The following NFIA variants were observed in gnomAD, a reference collection of about 807,000 sequenced individuals.
The protein encoded by NFIA is nuclear factor 1 A-type.
NFIA carries 8 observed loss-of-function variants against 62.8 expected under a neutral mutation model. The observed-to-expected ratio is 0.13, with a 90% CI of 0.07 to 0.23. The LOEUF is 0.23. Among genes scored for constraint, NFIA ranks in the 10% least tolerant of loss-of-function variants. The pLI, the probability that NFIA is intolerant of heterozygous loss-of-function variation, is 1.00. For synonymous variants in NFIA, 235 were observed against 238.1 expected, an observed-to-expected ratio of 0.99 and a Z score of 0.12; for missense variants, 410 against 642.1, an observed-to-expected ratio of 0.64 and a Z score of 3.91.
chr1:61,302,321 A>C (rs753747929), intron 3 of NFIA, among the ~76,000 whole-genome samples: 6 of 152,206 alleles, frequency 3.9e-5, no homozygotes, highest in Non-Finnish European at 8.8e-5. Flanking sequence ...GTACAAAAAG[A>C]GGGTTTTGTT....
chr1:61,143,132 G>A (rs1014310789), intron 2 of NFIA, among the ~76,000 whole-genome samples: 1 of 152,058 alleles, frequency 6.6e-6, no homozygotes, highest in Non-Finnish European at 1.5e-5. Context: ...TTTTGGGGTG[G>A]CAAGAAATTT....
chr1:61,452,191 C>T (rs1482644881), intron 10 of NFIA, among the ~76,000 whole-genome samples: 1 of 152,112 alleles, frequency 6.6e-6, no homozygotes. Flanking sequence ...CTGTCACACT[C>T]ATCCCAATGG....
chr1:61,126,883 C>T (rs1210151591), intron 2 of NFIA, among the ~76,000 whole-genome samples: 1 of 139,864 alleles, frequency 7.1e-6, no homozygotes, highest in African/African-American at 2.7e-5. Flanking sequence ...CTCCCAGGTT[C>T]AAGTGATTAT....
chr1:61,219,801 T>G (rs998802116), intron 2 of NFIA, among the ~76,000 whole-genome samples: 3 of 150,568 alleles, frequency 2.0e-5, no homozygotes, highest in African/African-American at 7.4e-5. Context: ...CTGTCTCTAC[T>G]AAGCATAGAA....
chr1:61,169,391 AATGCTCTTCTTTCC>A (rs1649795751), intron 2 of NFIA, among the ~76,000 whole-genome samples: 1 of 152,166 alleles, frequency 6.6e-6, no homozygotes, highest in African/African-American at 2.4e-5. Context: ...CCCCCCAAGG[AATGCTCTTCTTTCC>A]ATCCTCACAT....
chr1:61,203,928 G>A (rs1382467614), intron 2 of NFIA, among the ~76,000 whole-genome samples: 1 of 152,190 alleles, frequency 6.6e-6, no homozygotes, highest in Non-Finnish European at 1.5e-5. Flanking sequence ...GATTATGGGA[G>A]AGCTTAACCC....
chr1:61,235,647 C>A lies in NFIA; in HGVS notation c.560-41873C>A, dbSNP rs1165531153. On this transcript the variant is annotated intron_variant, in intron 2 of 10. Coordinates refer to ENST00000403491, the MANE Select transcript of NFIA (RefSeq NM_001134673.4). ...CCTGGGCAACATAGTGAGACCCCAT[C>A]TCTTTAAAAAAAAAAAAAAGCTGGG... Among the ~76,000 whole-genome samples the A allele has an allele frequency of 3.4e-5, 5 of 148,124 alleles. No individual in the cohort carries two copies. The South Asian group carries it at 1.1e-3, about 31-fold the overall frequency.
intron 2 of NFIA, among the ~76,000 whole-genome samples, chr1:61,188,249 T>C (rs1220875728): frequency 6.6e-6 from 1 of 152,094 alleles, no homozygotes; most frequent in Non-Finnish European, 1.5e-5. Flanking sequence ...TTTCGCTGTG[T>C]TGGCCAGCCT....
chr1:61,286,659 A>G (rs1658522388), intron 3 of NFIA, among the ~76,000 whole-genome samples: 1 of 152,208 alleles, frequency 6.6e-6, no homozygotes. Flanking sequence ...CCTACTCTTA[A>G]TTTAGCTTAC....
At chr1:61,286,739 T>C (rs1162808047) in intron 3 of NFIA, among the ~76,000 whole-genome samples, 1 of 152,134 alleles carries the variant, frequency 6.6e-6, no homozygotes, top group Non-Finnish European at 1.5e-5. Flanking sequence ...CATCAAACAT[T>C]ATAAAAGAAA....
chr1:61,354,867 C>T (rs1662744870), intron 5 of NFIA, among the ~76,000 whole-genome samples: 1 of 152,112 alleles, frequency 6.6e-6, no homozygotes, highest in Non-Finnish European at 1.5e-5. Context: ...CTAGCTCTTC[C>T]CATTCAGCAG....
At chr1:61,403,094 C>T (rs2474384) in intron 7 of NFIA, among the ~76,000 whole-genome samples, 102,073 of 152,138 alleles carry the variant, frequency 0.67, 36,469 homozygotes, top group East Asian at 0.94. Context: ...CTGTGATTTT[C>T]AGTTTAAAGA....
At chr1:61,249,724 G>A (rs1262600771) in intron 2 of NFIA, among the ~76,000 whole-genome samples, 1 of 152,178 alleles carries the variant, frequency 6.6e-6, no homozygotes, top group African/African-American at 2.4e-5. Flanking sequence ...AGAATTGCTT[G>A]AACCCGGGAG....
At chr1:61,392,825 T>G (rs1268722974) in intron 7 of NFIA, among the ~76,000 whole-genome samples, 1 of 152,234 alleles carries the variant, frequency 6.6e-6, no homozygotes, top group African/African-American at 2.4e-5. Flanking sequence ...AATAGGGTGA[T>G]GAACCCAGGG....
At chr1:61,248,178 A>G (rs1233399420) in intron 2 of NFIA, among the ~76,000 whole-genome samples, 1 of 152,218 alleles carries the variant, frequency 6.6e-6, no homozygotes, top group Admixed American at 6.5e-5. Context: ...CTGTCCCTCC[A>G]GCTAGAGAAC....
intron 2 of NFIA, among the ~76,000 whole-genome samples, chr1:61,121,676 CCCTCTTA>C (rs1372026910): frequency 2.0e-5 from 3 of 152,068 alleles, no homozygotes; most frequent in African/African-American, 7.2e-5. Flanking sequence ...GTAATTTTCT[CCCTCTTA>C]CCCTCAATAA....
chr1:61,244,472 G>A (rs539955903), intron 2 of NFIA, among the ~76,000 whole-genome samples: 5 of 152,320 alleles, frequency 3.3e-5, no homozygotes, highest in African/African-American at 1.2e-4. Context: ...GGATAGGTGA[G>A]AGAGGCTGTG....
At chr1:61,252,236 T>C (rs149034310) in intron 2 of NFIA, among the ~76,000 whole-genome samples, 1 of 152,222 alleles carries the variant, frequency 6.6e-6, no homozygotes, top group Non-Finnish European at 1.5e-5. Context: ...CTTTGTAATA[T>C]ACTGATTCCT....
intron 2 of NFIA, among the ~76,000 whole-genome samples, chr1:61,144,238 TACTC>T (rs1004755985): frequency 4.6e-4 from 70 of 152,288 alleles, no homozygotes; most frequent in African/African-American, 1.6e-3. Flanking sequence ...ACCCCCGACT[TACTC>T]AGTGAGAAGC....
Sources: allele counts gnomAD v4.1 joint callset (sites outside exome capture counted in the v4.1 genomes callset), GRCh38; gene constraint gnomAD v4.1.1; transcripts MANE v1.5; gene names NCBI Gene and HGNC (gene_info 2026-07-23, HGNC 2026-07-21).